ATP6V1H: variants seen among roughly 807,000 people sequenced by gnomAD.
ATP6V1H encodes the protein V-type proton ATPase subunit H.
In ATP6V1H, 39 loss-of-function variants were observed where a neutral mutation model predicts 71.7. The observed-to-expected ratio is 0.54, with a 90% CI of 0.42 to 0.71. The LOEUF (loss-of-function observed/expected upper bound fraction) is 0.71, where lower values mean the gene tolerates loss of function less well. ATP6V1H is among the 30% of genes least tolerant of loss of function. The pLI is 0.00. For missense variants in ATP6V1H, 509 were observed against 594.9 expected (o/e 0.86, Z 1.50); for synonymous variants, 192 against 199.3 (o/e 0.96, Z 0.31).
chr8:53,733,704 TTA>T (rs1307284872), intron 13 of ATP6V1H, among the ~76,000 whole-genome samples: 1 of 152,128 alleles, frequency 6.6e-6, no homozygotes, highest in Non-Finnish European at 1.5e-5. Context: ...GTTCTGCAGG[TTA>T]TGGATCCCAA....
At chr8:53,784,676 C>T (rs546421954) in intron 9 of ATP6V1H, among the ~76,000 whole-genome samples, 57 of 152,204 alleles carry the variant, frequency 3.7e-4, no homozygotes, top group Admixed American at 5.9e-4. Context: ...TGGCTGGTAC[C>T]GGTTGTTCCT....
chr8:53,804,062 C>A (rs1271548802), intron 7 of ATP6V1H, among the ~76,000 whole-genome samples: 1 of 152,184 alleles, frequency 6.6e-6, no homozygotes, highest in Non-Finnish European at 1.5e-5. Flanking sequence ...CTTCAGTATT[C>A]CCATTACAAA....
At chr8:53,812,259 C>A (rs1297179385) in intron 6 of ATP6V1H, among the ~76,000 whole-genome samples, 3 of 152,096 alleles carry the variant, frequency 2.0e-5, no homozygotes, top group Non-Finnish European at 4.4e-5. Context: ...AGCAGAAGGA[C>A]CCGCAAAGCA....
rs1035426972 is a variant in ATP6V1H, at chr8:53,715,723, C to T, written c.*241G>A. The T allele has an allele frequency of 1.6e-4, 58 of 373,538 alleles. 1 individual carries two copies. The East Asian group carries it at 2.3e-3, about 15-fold the overall frequency. 23.1% of individuals were successfully genotyped at this position (373,538 alleles called of 1,614,324 possible). On this transcript the variant is annotated 3_prime_UTR_variant, in exon 14 of 14. Transcript: ENST00000359530. ...ATTTATTTCCAGAGAACAATAAATA[C>T]AGAAATTGCAAGCAGTATATGTAAC...
At position 53,836,911 on chromosome 8, in the gene ATP6V1H, C is replaced by T. The variant is rs193034619; in HGVS notation, c.114-3825G>A. Among the ~76,000 whole-genome samples, 95 of 152,180 alleles carry T rather than the reference C, an allele frequency of 6.2e-4. 2 individuals are homozygous for T. The highest frequency in any genetic ancestry group is 2.1e-3 in the African/African-American group (88 of 41,542). ...ATCCCAGCACTTTGGGAGACAGAGC[C>T]GGGTGGATCACCTGAGGTCAAGAGT... is the stretch of plus-strand genomic sequence containing the variant. On this transcript the variant is annotated intron_variant, in intron 2 of 13. Coordinates refer to ENST00000359530, the MANE Select transcript of ATP6V1H (RefSeq NM_015941.4).
In ATP6V1H at chr8:53,817,407, C is replaced by A; in HGVS notation, c.420+10G>T. On this transcript the variant is annotated intron_variant, in intron 5 of 13. Transcript: ENST00000359530. The stretch of plus-strand genomic sequence containing the variant: ...TTTTAAAAAAAGAATCCAATCAATT[C>A]AAAATTTACCATATGAACAGTGAAG... 6.3e-7 allele frequency: 1 copy of A among 1,575,836 alleles called. No homozygotes were observed. Among genetic ancestry groups the A allele is most frequent in the South Asian group, 1.1e-5 (1 of 88,348 alleles).
intron 9 of ATP6V1H, among the ~76,000 whole-genome samples, chr8:53,780,522 TA>T (rs751608971): frequency 9.2e-5 from 14 of 152,262 alleles, no homozygotes; most frequent in South Asian, 4.1e-4. Flanking sequence ...AAATATGTTA[TA>T]TTTTTTTTTC....
At chr8:53,835,698 CATTT>C (rs1811136936) in intron 2 of ATP6V1H, among the ~76,000 whole-genome samples, 1 of 152,056 alleles carries the variant, frequency 6.6e-6, no homozygotes, top group African/African-American at 2.4e-5. Flanking sequence ...TATTCTCATG[CATTT>C]ATTTTTTTCA....
At chr8:53,721,654 C>T (rs897225642) in intron 13 of ATP6V1H, among the ~76,000 whole-genome samples, 6 of 151,974 alleles carry the variant, frequency 3.9e-5, no homozygotes, top group African/African-American at 1.2e-4. Flanking sequence ...GTACTGGTAC[C>T]AAGTCTAATT....
intron 1 of ATP6V1H, among the ~76,000 whole-genome samples, chr8:53,842,223 A>C (rs1473641053): frequency 2.0e-5 from 3 of 152,260 alleles, no homozygotes; most frequent in Non-Finnish European, 4.4e-5. Context: ...TGGGAACATA[A>C]TTTCTTAGAA....
At chr8:53,794,409 AG>A (rs1228941553) in intron 9 of ATP6V1H, among the ~76,000 whole-genome samples, 2 of 152,130 alleles carry the variant, frequency 1.3e-5, no homozygotes, top group African/African-American at 4.8e-5. Context: ...TCTGTCGCCC[AG>A]GCTGGAGTGC....
At chr8:53,763,425 G>C (rs1207192213) in intron 11 of ATP6V1H, among the ~76,000 whole-genome samples, 1 of 152,140 alleles carries the variant, frequency 6.6e-6, no homozygotes, top group Admixed American at 6.5e-5. Context: ...AAACACTGTT[G>C]AAAGAAATTA....
At chr8:53,717,803 A>G (rs1358807917) in intron 13 of ATP6V1H, among the ~76,000 whole-genome samples, 3 of 152,330 alleles carry the variant, frequency 2.0e-5, no homozygotes, top group South Asian at 2.1e-4. Context: ...TATATGTGAG[A>G]AATCAAGCCT....
intron 9 of ATP6V1H, among the ~76,000 whole-genome samples, chr8:53,787,919 C>A (rs1202778155): frequency 6.6e-6 from 1 of 152,150 alleles, no homozygotes; most frequent in East Asian, 1.9e-4. Context: ...CTCACAGTAG[C>A]TCAGCAAGTT....
intron 7 of ATP6V1H, among the ~76,000 whole-genome samples, chr8:53,809,240 AAGG>A (rs1373455245): frequency 1.3e-5 from 2 of 152,204 alleles, no homozygotes; most frequent in African/African-American, 4.8e-5. Context: ...GTAAATATTC[AAGG>A]AGATGTAAAT....
chr8:53,733,622 A>C (rs564318546), intron 13 of ATP6V1H, among the ~76,000 whole-genome samples: 1 of 152,354 alleles, frequency 6.6e-6, no homozygotes, highest in African/African-American at 2.4e-5. Context: ...GATCAGAAAG[A>C]AAGCAGGTCA....
intron 12 of ATP6V1H, among the ~76,000 whole-genome samples, chr8:53,755,736 A>G (rs1344705943): frequency 3.2e-4 from 1 of 3,116 alleles, no homozygotes; most frequent in Non-Finnish European, 4.6e-4. Context: ...ATATATATAT[A>G]TATATATATT....
At chr8:53,810,537 C>T (rs1344504290) in intron 7 of ATP6V1H, among the ~76,000 whole-genome samples, 2 of 152,126 alleles carry the variant, frequency 1.3e-5, no homozygotes, top group African/African-American at 4.8e-5. Context: ...GTCAAGAGAT[C>T]GACACCATTC....
intron 6 of ATP6V1H, 103 bp from the exon 7 acceptor site, chr8:53,811,320 T>C (rs1810267540): frequency 1.1e-6 from 1 of 887,552 alleles, no homozygotes. Flanking sequence ...TAATTCTATG[T>C]AATAATTTTT....
Sources: gnomAD v4.1 joint callset for allele counts (sites outside exome capture counted in the v4.1 genomes callset) on GRCh38, gnomAD v4.1.1 for gene constraint, MANE v1.5 for transcripts, NCBI Gene and HGNC (gene_info 2026-07-23, HGNC 2026-07-21) for gene names.